The following APPBP2 variants were observed in gnomAD, a reference collection of about 807,000 sequenced individuals.
APPBP2 encodes amyloid beta precursor protein binding protein 2, also known as amyloid protein-binding protein 2.
APPBP2 carries 15 observed loss-of-function variants against 76.0 expected under a neutral mutation model. The observed-to-expected ratio is 0.20, with a 90% CI of 0.13 to 0.30. The LOEUF is 0.30. Ranked by LOEUF, APPBP2 falls within the 10% of genes least tolerant of loss-of-function variation. The pLI is 1.00. For missense variants in APPBP2, 401 were observed against 687.2 expected, an observed-to-expected ratio of 0.58 and a Z score of 4.66; for synonymous variants, 222 against 242.2, an observed-to-expected ratio of 0.92 and a Z score of 0.77.
intron 11 of APPBP2, among the ~76,000 whole-genome samples, chr17:60,452,668 C>G (rs1400435065): frequency 1.3e-5 from 2 of 152,084 alleles, no homozygotes. Context: ...TGCCTGTAAT[C>G]CCAACAGTTT....
At chr17:60,518,716 CAGGTCTAG>C (rs1204840595) in intron 1 of APPBP2, among the ~76,000 whole-genome samples, 2 of 152,204 alleles carry the variant, frequency 1.3e-5, no homozygotes. Context: ...GTTGCCCAGG[CAGGTCTAG>C]AACTCTTAGG....
chr17:60,519,154 T>C (rs563080878), intron 1 of APPBP2, among the ~76,000 whole-genome samples: 2 of 150,610 alleles, frequency 1.3e-5, no homozygotes, highest in East Asian at 4.0e-4. Context: ...GTAAAGACAG[T>C]GTCTCCCTAT....
chr17:60,484,261 G>A (rs949890342), intron 3 of APPBP2, among the ~76,000 whole-genome samples: 10 of 152,152 alleles, frequency 6.6e-5, no homozygotes, highest in Admixed American at 5.2e-4. Context: ...CCAATCCTGT[G>A]AAGAAAGTCA....
rs1179553088 is a variant in APPBP2 at position 60,444,904 on chromosome 17, T to C, written c.*2677A>G. The C allele has an allele frequency of 2.0e-5, 3 of 152,338 alleles. No homozygotes were observed. Among genetic ancestry groups the C allele is most frequent in the African/African-American group, 7.2e-5 (3 of 41,440 alleles). The allele number at this position is 152,338 out of a possible 1,614,324, so 9.4% of individuals were successfully genotyped here. A position where few individuals can be genotyped will look rare whatever the true frequency, so the allele number is the denominator to read the frequency against. ...CTGAACCTCCAGAAAAATCTTTAAGTTGGCCAGGGCTTCCTTACGCACCTC... is the reference window on the plus strand; with the variant it reads ...CTGAACCTCCAGAAAAATCTTTAAGCTGGCCAGGGCTTCCTTACGCACCTC... On this transcript the variant is annotated 3_prime_UTR_variant, in exon 13 of 13. Coordinates refer to ENST00000083182, the MANE Select transcript of APPBP2 (RefSeq NM_006380.5).
intron 4 of APPBP2, among the ~76,000 whole-genome samples, chr17:60,470,010 C>T (rs1226716236): frequency 6.6e-6 from 1 of 151,806 alleles, no homozygotes; most frequent in Non-Finnish European, 1.5e-5. Context: ...ACAAAGTTTC[C>T]AATTTCTTTT....
At chr17:60,486,362 C>T (rs1418638689) in intron 3 of APPBP2, among the ~76,000 whole-genome samples, 2 of 152,048 alleles carry the variant, frequency 1.3e-5, no homozygotes, top group African/African-American at 4.8e-5. Context: ...AAGGACTTGC[C>T]TTATGAATCT....
At chr17:60,495,439 A>ATTAT (rs57497934) in intron 2 of APPBP2, among the ~76,000 whole-genome samples, 2,473 of 136,580 alleles carry the variant, frequency 0.018, 30 homozygotes, top group Non-Finnish European at 0.022. Context: ...TTATTTATTT[A>ATTAT]TTATTTATTT....
rs764232863 is a variant in APPBP2, at chr17:60,500,472, G to A, written c.154C>T (p.Arg52Cys). 5.0e-6 allele frequency: 8 copies of A among 1,605,472 alleles called. No homozygotes were observed. The highest frequency in any genetic ancestry group is 2.3e-5 in the South Asian group (2 of 88,568). ...AATTCACTGCCCAGTTGACATAAGC[G>A]TCCCTGTTGGTAAAGCTGAAATAAA... ...DVYYKLYQQG[R>C]LCQLGSEFCE... Residue 52 changes from arginine (R) to cysteine (C), a missense_variant, in exon 2 of 13, where the codon CGC becomes TGC. Arg to Cys is a radical substitution (Grantham distance 180, BLOSUM62 -3). Around this residue, in one of 5 missense-constraint regions of APPBP2, gnomAD observed 149 missense variants for 198.4 expected, o/e 0.75. Transcript: ENST00000083182.
intron 8 of APPBP2, 134 bp from the exon 9 acceptor site, chr17:60,460,921 T>C: frequency 1.2e-6 from 1 of 852,640 alleles, no homozygotes; most frequent in Non-Finnish European, 1.6e-6. Flanking sequence ...TCCTGCTGTA[T>C]TTAAATTACA....
intron 10 of APPBP2, among the ~76,000 whole-genome samples, chr17:60,455,864 G>T (rs2143299528): frequency 6.6e-6 from 1 of 151,708 alleles, no homozygotes; most frequent in African/African-American, 2.4e-5. Flanking sequence ...TGCAACCTCT[G>T]CCTCCTGGGT....
At chr17:60,494,643 T>C (rs1247478658) in intron 2 of APPBP2, 26 bp from the exon 3 acceptor site, 1 of 1,550,650 alleles carries the variant, frequency 6.4e-7, no homozygotes, top group African/African-American at 1.4e-5. Flanking sequence ...AAGATTATTT[T>C]ATAGAGTTAA....
chr17:60,494,481 C>A lies in APPBP2; in HGVS notation c.364G>T (p.Val122Phe). The change falls in exon 3 of 13, where the codon GTT becomes TTT. Residue 122 changes from valine (V) to phenylalanine (F), a missense_variant. Physicochemically the swap from Val to Phe is conservative, Grantham distance 50. Transcript: ENST00000083182. Reference sequence around the variant, plus strand: ...CATTACTTACCTAAAACAAAGCCAACCTGAATGGCTTTTTCCTTTACTGCA... The same window carrying A: ...CATTACTTACCTAAAACAAAGCCAAACTGAATGGCTTTTTCCTTTACTGCA... Reference protein sequence around the residue: ...DAAVKEKAIQVGFVLGGFLSD... With the variant: ...DAAVKEKAIQFGFVLGGFLSD... 6.2e-7 allele frequency: 1 copy of A among 1,608,124 alleles called. No individual in the cohort carries two copies. Among genetic ancestry groups the A allele is most frequent in the Non-Finnish European group, 8.5e-7 (1 of 1,178,858 alleles).
At position 60,443,726 on chromosome 17, in the gene APPBP2, ATTTTTAATCTTAAATTTTACTC is replaced by A. The variant is rs1463107055; in HGVS notation, c.*3833_*3854del. The A allele has an allele frequency of 6.6e-6, 1 of 152,620 alleles. No homozygotes were observed. The highest frequency in any genetic ancestry group is 2.4e-5 in the African/African-American group (1 of 41,444). The allele number at this position is 152,620 out of a possible 1,614,324, so 9.5% of individuals were successfully genotyped here. On this transcript the variant is annotated 3_prime_UTR_variant, in exon 13 of 13. Transcript: ENST00000083182. Reference sequence around the variant, plus strand: ...TTCTAGATATCTATATATAGGATATATTTTTAATCTTAAATTTTACTCTTGAAAAACATGTGCACTTCAACAA... The same window carrying A: ...TTCTAGATATCTATATATAGGATATATTGAAAAACATGTGCACTTCAACAA...
chr17:60,450,429 C>T (rs1384630626), intron 12 of APPBP2, among the ~76,000 whole-genome samples: 3 of 132,846 alleles, frequency 2.3e-5, no homozygotes, highest in African/African-American at 8.9e-5. Flanking sequence ...CAGAGCGAGA[C>T]TCCCTCTCAA....
chr17:60,447,478 G>A lies in APPBP2; in HGVS notation c.*103C>T. Reference sequence around the variant, plus strand: ...AGGGTCTTCAATGGACTGGACCAGTGTTTCAATGCAAATTCCAGCCCCCCA... The same window carrying A: ...AGGGTCTTCAATGGACTGGACCAGTATTTCAATGCAAATTCCAGCCCCCCA... On this transcript the variant is annotated 3_prime_UTR_variant, in exon 13 of 13. Coordinates refer to ENST00000083182, the MANE Select transcript of APPBP2 (RefSeq NM_006380.5). The A allele has an allele frequency of 7.3e-7, 1 of 1,375,006 alleles. No individual in the cohort carries two copies. The allele number at this position is 1,375,006 out of a possible 1,614,324, so 85.2% of individuals were successfully genotyped here. A position where few individuals can be genotyped will look rare whatever the true frequency, so the allele number is the denominator to read the frequency against.
At chr17:60,506,819 C>T (rs892448543) in intron 1 of APPBP2, among the ~76,000 whole-genome samples, 1 of 152,094 alleles carries the variant, frequency 6.6e-6, no homozygotes, top group Non-Finnish European at 1.5e-5. Flanking sequence ...GGGCAGATCA[C>T]GAGGTCAAGA....
intron 5 of APPBP2, chr17:60,465,240 A>G (rs1466042526): frequency 6.6e-6 from 1 of 152,206 alleles, no homozygotes; most frequent in Non-Finnish European, 1.5e-5. Flanking sequence ...TCTTGATCAA[A>G]GCGTAGGTAT....
At chr17:60,457,409 GTTTT>G (rs1226504754) in intron 9 of APPBP2, among the ~76,000 whole-genome samples, 3 of 151,026 alleles carry the variant, frequency 2.0e-5, no homozygotes, top group Admixed American at 6.6e-5. Flanking sequence ...GTCTGCTGAG[GTTTT>G]TTTTGTTTTG....
intron 3 of APPBP2, among the ~76,000 whole-genome samples, chr17:60,479,875 C>T (rs2090616676): frequency 6.6e-6 from 1 of 152,162 alleles, no homozygotes; most frequent in Admixed American, 6.5e-5. Flanking sequence ...CGAACTCACT[C>T]ATTTAACTTT....
Sources: allele counts gnomAD v4.1 joint callset (sites outside exome capture counted in the v4.1 genomes callset), GRCh38; gene constraint gnomAD v4.1.1; regional missense constraint gnomAD v4.1.1; transcripts MANE v1.5; gene names NCBI Gene and HGNC (gene_info 2026-07-23, HGNC 2026-07-21).